Variants in RAD51B observed in about 807,000 individuals in gnomAD.
RAD51B encodes DNA repair protein RAD51 homolog 2.
In RAD51B, 38 loss-of-function variants were observed where a neutral mutation model predicts 42.2. The ratio of observed to expected loss-of-function variants is 0.90; its 90% CI spans 0.70 to 1.18. The LOEUF (loss-of-function observed/expected upper bound fraction) is 1.18, where lower values mean the gene tolerates loss of function less well. Among genes scored for constraint, RAD51B ranks in the 50% most tolerant of loss-of-function variants. The pLI, the probability that RAD51B is intolerant of heterozygous loss-of-function variation, is 0.00. For synonymous variants in RAD51B, 154 were observed against 145.2 expected (o/e 1.06, Z -0.43); for missense variants, 373 against 400.7 (o/e 0.93, Z 0.59).
rs151122042 is a variant in RAD51B at position 68,039,295 on chromosome 14, G to A, written c.756+152091G>A. Among the ~76,000 whole-genome samples, 1,285 of 152,064 alleles carry A rather than the reference G, an allele frequency of 8.5e-3. 16 individuals carry two copies. The highest frequency in any genetic ancestry group is 0.029 in the African/African-American group (1,199 of 41,464). The stretch of plus-strand genomic sequence containing the variant: ...AATAAAAAATTTGCTGGGTGTGGTG[G>A]CGCATGCCTGTAATCCCAGCTACTC... On this transcript the variant is annotated intron_variant, in intron 7 of 10. Transcript: ENST00000471583.
chr14:68,229,579 A>C (rs571353921), intron 7 of RAD51B, among the ~76,000 whole-genome samples: 1 of 152,302 alleles, frequency 6.6e-6, no homozygotes, highest in South Asian at 2.1e-4. Flanking sequence ...ATCTGCAATA[A>C]AATCTGGATT....
chr14:68,573,197 A>G (rs374066944), intron 10 of RAD51B, among the ~76,000 whole-genome samples: 26 of 152,238 alleles, frequency 1.7e-4, no homozygotes, highest in African/African-American at 6.0e-4. Flanking sequence ...ACAGCCTTCC[A>G]GCAGCTCTCA....
intron 7 of RAD51B, among the ~76,000 whole-genome samples, chr14:67,924,767 C>A (rs537322535): frequency 2.0e-5 from 3 of 152,154 alleles, no homozygotes; most frequent in Non-Finnish European, 4.4e-5. Context: ...TATCATTCCA[C>A]CCCTGGAGCC....
intron 7 of RAD51B, among the ~76,000 whole-genome samples, chr14:67,934,524 C>T (rs2044863513): frequency 6.6e-6 from 1 of 151,980 alleles, no homozygotes; most frequent in Non-Finnish European, 1.5e-5. Context: ...GCTGAGGATA[C>T]GAGATGCTGT....
intron 9 of RAD51B, among the ~76,000 whole-genome samples, chr14:68,414,464 T>C (rs1256031657): frequency 6.6e-6 from 1 of 152,174 alleles, no homozygotes; most frequent in Non-Finnish European, 1.5e-5. Context: ...TCCTACTTTT[T>C]GTAGTTGTTG....
At chr14:67,936,171 A>G (rs778551931) in intron 7 of RAD51B, among the ~76,000 whole-genome samples, 1 of 152,194 alleles carries the variant, frequency 6.6e-6, no homozygotes, top group East Asian at 1.9e-4. Context: ...AGATTGTGCA[A>G]CGATCACCAC....
At chr14:68,180,844 C>A (rs1310493013) in intron 7 of RAD51B, among the ~76,000 whole-genome samples, 1 of 152,182 alleles carries the variant, frequency 6.6e-6, no homozygotes, top group Non-Finnish European at 1.5e-5. Context: ...TGGGCAGGAA[C>A]AACCATACTG....
intron 9 of RAD51B, among the ~76,000 whole-genome samples, chr14:68,452,158 C>T (rs1336292926): frequency 5.9e-5 from 9 of 152,128 alleles, no homozygotes; most frequent in African/African-American, 2.2e-4. Context: ...GCATTAACAG[C>T]TGGACAGAGC....
At chr14:68,422,913 G>A (rs1487556426) in intron 9 of RAD51B, among the ~76,000 whole-genome samples, 3 of 152,102 alleles carry the variant, frequency 2.0e-5, no homozygotes, top group Admixed American at 6.5e-5. Context: ...AAATCAGCCA[G>A]TGGCTCCTGG....
chr14:67,930,368 T>G lies in RAD51B; in HGVS notation c.756+43164T>G, dbSNP rs535091182. On this transcript the variant is annotated intron_variant, in intron 7 of 10. Transcript: ENST00000471583. ...TTTTTTTTTCCACTCCCTTGAGCAT[T>G]TCTTGAAGAGCTAGTCTAGTGGTGA... Among the ~76,000 whole-genome samples the G allele has an allele frequency of 8.0e-4, 122 of 152,246 alleles. 1 individual carries two copies. The highest frequency in any genetic ancestry group is 2.9e-3 in the African/African-American group (120 of 41,572).
chr14:68,442,092 G>C (rs1401615539), intron 9 of RAD51B, among the ~76,000 whole-genome samples: 2 of 152,128 alleles, frequency 1.3e-5, no homozygotes, highest in Non-Finnish European at 2.9e-5. Context: ...CTACATTGCT[G>C]GGCAATTCTT....
chr14:68,266,334 T>G (rs1436887371), intron 7 of RAD51B, among the ~76,000 whole-genome samples: 1 of 152,242 alleles, frequency 6.6e-6, no homozygotes, highest in East Asian at 1.9e-4. Flanking sequence ...GAAGTATGAT[T>G]GGAGCACCAC....
intron 7 of RAD51B, among the ~76,000 whole-genome samples, chr14:68,112,062 A>G (rs902526217): frequency 7.2e-5 from 11 of 152,058 alleles, no homozygotes; most frequent in African/African-American, 2.7e-4. Context: ...AGCAGTAGGT[A>G]TGGTGTTATT....
intron 7 of RAD51B, among the ~76,000 whole-genome samples, chr14:68,086,949 A>G (rs933973875): frequency 1.1e-4 from 16 of 152,102 alleles, no homozygotes; most frequent in African/African-American, 3.6e-4. Context: ...CAGCCTGACC[A>G]ACATGATGAA....
intron 10 of RAD51B, chr14:68,562,776 C>T: frequency 2.0e-6 from 2 of 985,378 alleles, no homozygotes; most frequent in African/African-American, 3.5e-5. Flanking sequence ...AGATGCCATG[C>T]TAGATACCCA....
chr14:68,238,003 A>T (rs2080301451), intron 7 of RAD51B, among the ~76,000 whole-genome samples: 1 of 151,942 alleles, frequency 6.6e-6, no homozygotes, highest in Non-Finnish European at 1.5e-5. Flanking sequence ...AAAGTGCCTC[A>T]GCCTCCGAAG....
At chr14:68,127,537 A>G (rs2140660717) in intron 7 of RAD51B, among the ~76,000 whole-genome samples, 1 of 151,984 alleles carries the variant, frequency 6.6e-6, no homozygotes, top group East Asian at 1.9e-4. Context: ...AATGGGAAAT[A>G]TAGGGGCTCA....
intron 7 of RAD51B, among the ~76,000 whole-genome samples, chr14:68,107,113 G>A (rs2077388243): frequency 6.6e-6 from 1 of 151,764 alleles, no homozygotes; most frequent in Non-Finnish European, 1.5e-5. Flanking sequence ...TAAACATTCA[G>A]GACTGGTATA....
rs182346124 is a variant in RAD51B, at chr14:68,605,385, G to C, written c.1037-5621G>C. Among the ~76,000 whole-genome samples, 274 of 152,356 alleles carry C rather than the reference G, an allele frequency of 1.8e-3. 3 individuals are homozygous for C. Among genetic ancestry groups the C allele is most frequent in the Non-Finnish European group, 2.9e-3 (200 of 68,036 alleles). ...CATCGCAGATGGAACAATGGTGAGA[G>C]TACACTCGAACAAAGGAGGGAATCA... On this transcript the variant is annotated intron_variant, in intron 10 of 10. Coordinates refer to the RAD51B transcript ENST00000487861.
Sources: allele counts gnomAD v4.1 joint callset (sites outside exome capture counted in the v4.1 genomes callset), GRCh38; gene constraint gnomAD v4.1.1; transcripts MANE v1.5; gene names NCBI Gene and HGNC (gene_info 2026-07-23, HGNC 2026-07-21).